Variants in PTPRK observed in about 807,000 individuals in gnomAD.
PTPRK encodes receptor-type tyrosine-protein phosphatase kappa.
Under a neutral mutation model 178.0 loss-of-function variants are expected in PTPRK, and 75 were observed. The observed-to-expected ratio is 0.42, with a 90% confidence interval of 0.35 to 0.51. PTPRK has a LOEUF of 0.51. PTPRK is among the 20% of genes least tolerant of loss of function. PTPRK has a pLI of 0.02. For synonymous variants in PTPRK, 637 were observed against 620.6 expected, an observed-to-expected ratio of 1.03 and a Z score of -0.39; for missense variants, 1,441 against 1,797.8, an observed-to-expected ratio of 0.80 and a Z score of 3.59.
At chr6:128,167,440 T>C (rs1182293915) in intron 7 of PTPRK, among the ~76,000 whole-genome samples, 2 of 151,970 alleles carry the variant, frequency 1.3e-5, no homozygotes, top group Non-Finnish European at 2.9e-5. Flanking sequence ...TATATTATTC[T>C]AGTTTTTTTC....
In PTPRK at chr6:127,970,375, T is replaced by C. The variant is rs1308328023; in HGVS notation, c.4270-95A>G. 5.5e-6 allele frequency: 5 copies of C among 915,570 alleles called. No homozygotes were observed. The African/African-American group carries it at 8.5e-5, about 15-fold the overall frequency. The allele number at this position is 915,570 out of a possible 1,614,324, so 56.7% of individuals were successfully genotyped here. ...AATGAAACTTGACAACCAATTTAGA[T>C]TACTCAAGGATTACAATTTATTTTT... On this transcript the variant is annotated intron_variant, in intron 29 of 29. Transcript: ENST00000368226.
At chr6:128,130,421 C>T (rs1299387443) in intron 7 of PTPRK, among the ~76,000 whole-genome samples, 1 of 152,088 alleles carries the variant, frequency 6.6e-6, no homozygotes, top group Non-Finnish European at 1.5e-5. Context: ...GTGAATGGTC[C>T]CACTGAGTTA....
At chr6:128,177,125 T>C (rs1801193114) in intron 7 of PTPRK, among the ~76,000 whole-genome samples, 1 of 151,744 alleles carries the variant, frequency 6.6e-6, no homozygotes. Flanking sequence ...CAAAGAAAAG[T>C]CTCAAACTCA....
intron 3 of PTPRK, among the ~76,000 whole-genome samples, chr6:128,309,662 A>C (rs1201320918): frequency 1.3e-5 from 2 of 152,192 alleles, no homozygotes; most frequent in Non-Finnish European, 2.9e-5. Flanking sequence ...ACCTTAAAAA[A>C]ACTTAAGAAT....
chr6:128,057,212 A>G (rs1358157535), intron 13 of PTPRK, among the ~76,000 whole-genome samples: 4 of 151,998 alleles, frequency 2.6e-5, no homozygotes, highest in Non-Finnish European at 4.4e-5. Context: ...ATTTTCTCTA[A>G]TTTCTTCAAA....
At chr6:128,375,915 T>C (rs577795774) in intron 2 of PTPRK, among the ~76,000 whole-genome samples, 2 of 152,330 alleles carry the variant, frequency 1.3e-5, no homozygotes, top group Non-Finnish European at 2.9e-5. Context: ...TTTGAATCCA[T>C]GTCTCACATC....
intron 1 of PTPRK, among the ~76,000 whole-genome samples, chr6:128,401,276 G>A (rs1562446264): frequency 6.6e-6 from 1 of 152,160 alleles, no homozygotes; most frequent in Admixed American, 6.5e-5. Flanking sequence ...GGTGAAAAAT[G>A]TGGTACTAAG....
intron 1 of PTPRK, among the ~76,000 whole-genome samples, chr6:128,423,195 G>A (rs1025939955): frequency 2.0e-5 from 3 of 152,158 alleles, no homozygotes; most frequent in African/African-American, 7.2e-5. Context: ...TTTATAAAGT[G>A]ACTAAACTTC....
At position 128,449,026 on chromosome 6, in the gene PTPRK, A is replaced by AT. The variant is rs952958739; in HGVS notation, c.101-51339dup. Among the ~76,000 whole-genome samples, 21 of 149,338 alleles carry AT rather than the reference A, an allele frequency of 1.4e-4. No homozygotes were observed. In the South Asian group the frequency reaches 2.1e-3, roughly 15 times the overall value. On this transcript the variant is annotated intron_variant, in intron 1 of 29. Transcript: ENST00000368226. ...AGGCACCCACCACCACGCCTGGCTAATTTTTTTTTTCCCCCAGTAGAGACG... is the reference window on the plus strand; with the variant it reads ...AGGCACCCACCACCACGCCTGGCTAATTTTTTTTTTTCCCCCAGTAGAGACG...
chr6:128,182,999 T>C (rs1464814178), intron 7 of PTPRK, among the ~76,000 whole-genome samples: 1 of 152,186 alleles, frequency 6.6e-6, no homozygotes, highest in African/African-American at 2.4e-5. Flanking sequence ...TACCAAATTG[T>C]CAAAATTGTT....
chr6:128,309,816 T>C (rs759989807), intron 3 of PTPRK, among the ~76,000 whole-genome samples: 3 of 152,190 alleles, frequency 2.0e-5, no homozygotes, highest in East Asian at 3.8e-4. Flanking sequence ...ACCATTTTTA[T>C]AGAAAATTTC....
intron 3 of PTPRK, among the ~76,000 whole-genome samples, chr6:128,291,865 T>G (rs1823440079): frequency 6.6e-6 from 1 of 152,170 alleles, no homozygotes. Flanking sequence ...GTGGCCCTGG[T>G]AGGCATTTGT....
chr6:128,392,311 C>T (rs191889196), intron 2 of PTPRK, among the ~76,000 whole-genome samples: 67 of 152,256 alleles, frequency 4.4e-4, no homozygotes, highest in African/African-American at 1.6e-3. Context: ...ATAAAGAACT[C>T]TGTACAGTTA....
At chr6:128,382,473 T>C (rs1258763294) in intron 2 of PTPRK, among the ~76,000 whole-genome samples, 1 of 150,000 alleles carries the variant, frequency 6.7e-6, no homozygotes, top group Non-Finnish European at 1.5e-5. Flanking sequence ...AGTGGTGTGA[T>C]CTCGGCTAAC....
intron 7 of PTPRK, among the ~76,000 whole-genome samples, chr6:128,172,828 A>T (rs1490446444): frequency 1.3e-5 from 2 of 151,866 alleles, no homozygotes; most frequent in African/African-American, 4.8e-5. Context: ...ATATACATAT[A>T]TATTCTCTCA....
chr6:128,427,362 C>G (rs80187578), intron 1 of PTPRK, among the ~76,000 whole-genome samples: 1 of 152,186 alleles, frequency 6.6e-6, no homozygotes, highest in Non-Finnish European at 1.5e-5. Context: ...CTAAGCCACA[C>G]CACTCCCTTG....
At chr6:128,111,598 G>T (rs1463708730) in intron 7 of PTPRK, among the ~76,000 whole-genome samples, 1 of 150,642 alleles carries the variant, frequency 6.6e-6, no homozygotes, top group Admixed American at 6.6e-5. Flanking sequence ...TACTTAAAAT[G>T]TACCTATAAC....
chr6:128,514,539 T>C (rs1370893041), intron 1 of PTPRK, among the ~76,000 whole-genome samples: 1 of 152,226 alleles, frequency 6.6e-6, no homozygotes, highest in Non-Finnish European at 1.5e-5. Flanking sequence ...GAATGACACC[T>C]GTTGGAGGAT....
At chr6:128,194,100 TTA>T (rs1424766965) in intron 6 of PTPRK, among the ~76,000 whole-genome samples, 37 of 138,986 alleles carry the variant, frequency 2.7e-4, no homozygotes, top group East Asian at 2.2e-3. Context: ...ATTATTATTA[TTA>T]GGAAACGGAG....
Sources: gnomAD v4.1 joint callset for allele counts (sites outside exome capture counted in the v4.1 genomes callset) on GRCh38, gnomAD v4.1.1 for gene constraint, MANE v1.5 for transcripts, NCBI Gene and HGNC (gene_info 2026-07-23, HGNC 2026-07-21) for gene names.